LRP6: variants seen among roughly 807,000 people sequenced by gnomAD.
LRP6 encodes the protein LDL receptor related protein 6, also known as low-density lipoprotein receptor-related protein 6.
In LRP6, 43 loss-of-function variants were observed where a neutral mutation model predicts 184.1. That is an observed-to-expected ratio of 0.23 (90% CI 0.18 to 0.30). The LOEUF (loss-of-function observed/expected upper bound fraction) is 0.30. LRP6 is among the 10% of genes least tolerant of loss of function. The pLI is 1.00. For synonymous variants in LRP6, 719 were observed against 684.9 expected (o/e 1.05, Z -0.78); for missense variants, 1,571 against 2,005.3 (o/e 0.78, Z 4.14).
intron 5 of LRP6, among the ~76,000 whole-genome samples, chr12:12,182,990 C>G (rs188354596): frequency 6.6e-6 from 1 of 152,292 alleles, no homozygotes; most frequent in East Asian, 1.9e-4. Flanking sequence ...AAGAAAAAAG[C>G]AACATTACAA....
intron 7 of LRP6, among the ~76,000 whole-genome samples, chr12:12,176,082 T>C (rs1291133077): frequency 6.6e-6 from 1 of 151,254 alleles, no homozygotes; most frequent in South Asian, 2.1e-4. Flanking sequence ...TACTGCAGGG[T>C]CATATAAAAT....
intron 10 of LRP6, 122 bp downstream of exon 10, chr12:12,162,071 C>T (rs1406585884): frequency 2.5e-5 from 19 of 771,564 alleles, no homozygotes; most frequent in Non-Finnish European, 3.7e-5. Context: ...GTTCATCTAT[C>T]ATTTAGTTCT....
intron 2 of LRP6, among the ~76,000 whole-genome samples, chr12:12,242,059 C>A (rs71457140): frequency 0.15 from 23,071 of 152,058 alleles, 1,887 homozygotes; most frequent in Non-Finnish European, 0.18. Context: ...CCTGAAGAGT[C>A]AAGAGGAACT....
Position 12,155,764 on chromosome 12 carries a change from A to G in LRP6, c.2791+3065T>C. ...GCTGGAACCTATTCCCTATGAATTC[A>G]TGGCATAATAGGTGTTAAAAAAATA... is the stretch of plus-strand genomic sequence containing the variant. On this transcript the variant is annotated intron_variant, in intron 12 of 22. Transcript: ENST00000261349. The G allele has an allele frequency of 3.2e-6, 3 of 942,358 alleles. No homozygotes were observed. The South Asian group carries it at 3.9e-5, about 12-fold the overall frequency. 58.4% of individuals were successfully genotyped at this position (942,358 alleles called of 1,614,324 possible). A position where few individuals can be genotyped will look rare whatever the true frequency, so the allele number is the denominator to read the frequency against.
Position 12,120,014 on chromosome 12 carries a change from T to C in LRP6, c.*1112A>G, listed in dbSNP as rs868464277. 17 of 98,456 alleles carry C rather than the reference T, an allele frequency of 1.7e-4. No individual in the cohort carries two copies. The highest frequency in any genetic ancestry group is 4.0e-4 in the Non-Finnish European group (17 of 42,456). 6.1% of individuals were successfully genotyped at this position (98,456 alleles called of 1,614,324 possible). A position where few individuals can be genotyped will look rare whatever the true frequency, so the allele number is the denominator to read the frequency against. On this transcript the variant is annotated 3_prime_UTR_variant, in exon 23 of 23. Transcript: ENST00000261349. The stretch of plus-strand genomic sequence containing the variant: ...AAATATATATATATATATATATATA[T>C]ATATATATATATATATATATATATA...
At chr12:12,162,145 C>T (rs758777675) in intron 10 of LRP6, 48 bp downstream of exon 10, 28 of 1,433,206 alleles carry the variant, frequency 2.0e-5, no homozygotes, top group African/African-American at 5.6e-5. Flanking sequence ...CCATGTTCCC[C>T]GAAATGTACA....
At chr12:12,239,828 G>A (rs1220276414) in intron 2 of LRP6, among the ~76,000 whole-genome samples, 1 of 151,808 alleles carries the variant, frequency 6.6e-6, no homozygotes, top group Non-Finnish European at 1.5e-5. Flanking sequence ...TTATGTAAAG[G>A]CATTCAGTTA....
At chr12:12,255,955 C>G (rs1052862786) in intron 1 of LRP6, among the ~76,000 whole-genome samples, 1 of 152,078 alleles carries the variant, frequency 6.6e-6, no homozygotes, top group African/African-American at 2.4e-5. Context: ...ATGTATTTCC[C>G]TCTATCAAAG....
chr12:12,137,502 G>A lies in LRP6; in HGVS notation c.3607+823C>T, dbSNP rs138734932. ...GGGAATTGAAATATTTATCCCAAAG[G>A]GGGGGAAAAAAACCAAGCACCTACT... On this transcript the variant is annotated intron_variant, in intron 16 of 22. Coordinates refer to ENST00000261349, the MANE Select transcript of LRP6 (RefSeq NM_002336.3). Among the ~76,000 whole-genome samples, 18 of 152,136 alleles carry A rather than the reference G, an allele frequency of 1.2e-4. No individual in the cohort carries two copies. The South Asian group carries it at 3.3e-3, about 28-fold the overall frequency.
At chr12:12,213,327 C>T (rs548387576) in intron 2 of LRP6, among the ~76,000 whole-genome samples, 131 of 151,964 alleles carry the variant, frequency 8.6e-4, no homozygotes, top group African/African-American at 3.0e-3. Context: ...TTTATATCTT[C>T]CTAAAACATC....
chr12:12,184,248 CA>C, intron 4 of LRP6, 137 bp from the exon 5 acceptor site: 1 of 710,680 alleles, frequency 1.4e-6, no homozygotes. Context: ...AAACCATCTG[CA>C]AAGACAGGAA....
At chr12:12,246,875 A>G (rs1365323853) in intron 1 of LRP6, among the ~76,000 whole-genome samples, 1 of 152,212 alleles carries the variant, frequency 6.6e-6, no homozygotes, top group African/African-American at 2.4e-5. Context: ...GTGTCTGTCA[A>G]ATAGTTATAA....
At chr12:12,160,755 A>G (rs371216888) in intron 10 of LRP6, among the ~76,000 whole-genome samples, 6 of 152,276 alleles carry the variant, frequency 3.9e-5, no homozygotes, top group African/African-American at 1.2e-4. Flanking sequence ...AATGTCTTCA[A>G]GCCAGTTAGA....
At chr12:12,200,293 A>T (rs75253046) in intron 3 of LRP6, among the ~76,000 whole-genome samples, 8,712 of 152,308 alleles carry the variant, frequency 0.057, 270 homozygotes, top group Middle Eastern at 0.16. Flanking sequence ...GGCAGAAAGA[A>T]AAAAGAGATG....
At chr12:12,246,509 A>G (rs1380926710) in intron 1 of LRP6, among the ~76,000 whole-genome samples, 1 of 151,692 alleles carries the variant, frequency 6.6e-6, no homozygotes, top group Non-Finnish European at 1.5e-5. Flanking sequence ...TTGGCAACAC[A>G]TGGAAACCCC....
chr12:12,159,221 C>A, intron 11 of LRP6, 66 bp from the exon 12 acceptor site: 2 of 1,214,200 alleles, frequency 1.6e-6, no homozygotes, highest in Non-Finnish European at 2.4e-6. Flanking sequence ...ATACAAGTGT[C>A]TTGCTGGCAA....
chr12:12,159,247 C>T (rs1001778889), intron 11 of LRP6, 92 bp from the exon 12 acceptor site: 1 of 895,552 alleles, frequency 1.1e-6, no homozygotes, highest in African/African-American at 1.7e-5. Context: ...AAAAAAAAAG[C>T]CCTAACATAT....
At chr12:12,170,750 A>T (rs1273538355) in intron 7 of LRP6, among the ~76,000 whole-genome samples, 1 of 151,260 alleles carries the variant, frequency 6.6e-6, no homozygotes, top group Non-Finnish European at 1.5e-5. Flanking sequence ...CTTTCTTCCA[A>T]GCTATATACT....
At chr12:12,161,158 T>C (rs1034870016) in intron 10 of LRP6, among the ~76,000 whole-genome samples, 2 of 152,252 alleles carry the variant, frequency 1.3e-5, no homozygotes, top group East Asian at 3.8e-4. Flanking sequence ...CACCACAATA[T>C]GTCAGTGCTG....
Sources: allele counts gnomAD v4.1 joint callset (sites outside exome capture counted in the v4.1 genomes callset), GRCh38; gene constraint gnomAD v4.1.1; transcripts MANE v1.5; gene names NCBI Gene and HGNC (gene_info 2026-07-23, HGNC 2026-07-21).